LY6G6F: variants seen among roughly 807,000 people sequenced by gnomAD.
LY6G6F encodes the protein lymphocyte antigen 6 family member G6F, also known as lymphocyte antigen 6 complex locus protein G6f.
A neutral mutation model predicts 33.0 loss-of-function variants in LY6G6F; 26 were observed. The observed-to-expected ratio is 0.79, with a 90% confidence interval of 0.58 to 1.09. The LOEUF (loss-of-function observed/expected upper bound fraction) is 1.09, where lower values mean the gene tolerates loss of function less well. Ranked by LOEUF, LY6G6F falls within the 50% of genes least tolerant of loss-of-function variation. LY6G6F has a pLI of 0.00. For synonymous variants in LY6G6F, 132 were observed against 148.1 expected, an observed-to-expected ratio of 0.89 and a Z score of 0.79; for missense variants, 317 against 372.0, an observed-to-expected ratio of 0.85 and a Z score of 1.22.
intron 3 of LY6G6F, 52 bp downstream of exon 3, chr6:31,708,186 A>C (rs1275771788): frequency 1.3e-6 from 2 of 1,503,324 alleles, no homozygotes; most frequent in East Asian, 2.3e-5. Flanking sequence ...CAGCCTCCCA[A>C]GTAGCTGGAA....
At position 31,710,418 on chromosome 6, in the gene LY6G6F, G is replaced by T. The variant is rs1805955381; in HGVS notation, c.869G>T (p.Gly290Val). 1 of 1,614,048 alleles carries T rather than the reference G, an allele frequency of 6.2e-7. No homozygotes were observed. Among genetic ancestry groups the T allele is most frequent in the African/African-American group, 1.3e-5 (1 of 74,906 alleles). Reference sequence around the variant, plus strand: ...GAGAACATCCATTTGGCCCGTCTTGGGTGAGGAACAGCTAGGGAACAGAGG... The same window carrying T: ...GAGAACATCCATTTGGCCCGTCTTGTGTGAGGAACAGCTAGGGAACAGAGG... ...VYENIHLARLGPPAHKPR is the reference protein window; with the variant it reads ...VYENIHLARLVPPAHKPR The change falls in exon 5 of 6, where the codon GGC becomes GTC. Residue 290 changes from glycine to valine, a missense_variant and splice_region_variant. Transcript: ENST00000375832. This position sits in a 1 kb window ranked among gnomAD's most constrained non-coding sequence, Gnocchi z 4.7.
Position 31,710,414 on chromosome 6 carries a change from C to T in LY6G6F, c.865C>T (p.Leu289Phe). Residue 289 changes from leucine (L) to phenylalanine (F), a missense_variant, in exon 5 of 6, where the codon CTT (leucine) becomes TTT (phenylalanine). By Grantham distance (22) the Leu-to-Phe change is conservative. Transcript: ENST00000375832. This position sits in a 1 kb window ranked among gnomAD's most constrained non-coding sequence, Gnocchi z 4.7. ...QVYENIHLAR[L>F]GPPAHKPR ...CTATGAGAACATCCATTTGGCCCGT[C>T]TTGGGTGAGGAACAGCTAGGGAACA... 6.2e-7 allele frequency: 1 copy of T among 1,614,154 alleles called. No homozygotes were observed. Among genetic ancestry groups the T allele is most frequent in the African/African-American group, 1.3e-5 (1 of 75,016 alleles).
At chr6:31,708,704 A>C (rs1805799695) in intron 3 of LY6G6F, among the ~76,000 whole-genome samples, 1 of 152,084 alleles carries the variant, frequency 6.6e-6, no homozygotes, top group Non-Finnish European at 1.5e-5. Flanking sequence ...AAGCAGGCGG[A>C]TCACTTGAGG....
chr6:31,707,830 A>G lies in LY6G6F; in HGVS notation c.383-41A>G. 6.2e-7 allele frequency: 1 copy of G among 1,607,986 alleles called. No individual in the cohort carries two copies. The highest frequency in any genetic ancestry group is 8.5e-7 in the Non-Finnish European group (1 of 1,175,576). On this transcript the variant is annotated intron_variant, in intron 2 of 5. Transcript: ENST00000375832. The surrounding 1 kb of genome is among the most constrained non-coding windows in gnomAD (Gnocchi z 4.1). ...GACCAGGGGCTACTGTGGCCCAGGA[A>G]GTCCAGGTGAAGAACTGAGGAATCC...
Position 31,710,653 on chromosome 6 carries a change from G to A in LY6G6F, c.*62G>A. 3 of 1,607,724 alleles carry A rather than the reference G, an allele frequency of 1.9e-6. No individual in the cohort carries two copies. The South Asian group carries it at 3.3e-5, about 18-fold the overall frequency. Reference sequence around the variant, plus strand: ...CTCGCTGGCCATCTGGCACCTGGAAGATTCCTCGACAACCTTAGCAAGGGG... The same window carrying A: ...CTCGCTGGCCATCTGGCACCTGGAAAATTCCTCGACAACCTTAGCAAGGGG... On this transcript the variant is annotated 3_prime_UTR_variant, in exon 6 of 6. Coordinates refer to ENST00000375832, the MANE Select transcript of LY6G6F (RefSeq NM_001003693.3). This position sits in a 1 kb window ranked among gnomAD's most constrained non-coding sequence, Gnocchi z 4.7.
chr6:31,710,273 T>C lies in LY6G6F; in HGVS notation c.803-79T>C. 1.9e-6 allele frequency: 3 copies of C among 1,612,738 alleles called. No individual in the cohort carries two copies. The highest frequency in any genetic ancestry group is 2.2e-5 in the South Asian group (2 of 91,072). Reference sequence around the variant, plus strand: ...CCCCGCCTCTGTACCCCACCTCCTCTAGGGGAGGGGGCGAGGAACACGGCT... The same window carrying C: ...CCCCGCCTCTGTACCCCACCTCCTCCAGGGGAGGGGGCGAGGAACACGGCT... On this transcript the variant is annotated intron_variant, in intron 4 of 5. Transcript: ENST00000375832. The surrounding 1 kb of genome is among the most constrained non-coding windows in gnomAD (Gnocchi z 4.7).
At position 31,707,302 on chromosome 6, in the gene LY6G6F, C is replaced by T. The variant is rs1161914802; in HGVS notation, c.53-156C>T. Among the ~76,000 whole-genome samples the T allele has an allele frequency of 2.0e-5, 3 of 152,204 alleles. No individual in the cohort carries two copies. The highest frequency in any genetic ancestry group is 1.9e-4 in the East Asian group (1 of 5,198). The stretch of plus-strand genomic sequence containing the variant: ...GAAAGCCCTTACCCTCTTCTCTCCA[C>T]CTGTCTTATTTTTGTAGCTGTCACT... On this transcript the variant is annotated intron_variant, in intron 1 of 5. Coordinates refer to ENST00000375832, the MANE Select transcript of LY6G6F (RefSeq NM_001003693.3). This position sits in a 1 kb window ranked among gnomAD's most constrained non-coding sequence, Gnocchi z 4.1.
chr6:31,707,511 C>T lies in LY6G6F; in HGVS notation c.106C>T (p.Pro36Ser), dbSNP rs1417622359. 12 of 1,614,050 alleles carry T rather than the reference C, an allele frequency of 7.4e-6. No individual in the cohort carries two copies. Among genetic ancestry groups the T allele is most frequent in the African/African-American group, 2.7e-5 (2 of 74,912 alleles). The change falls in exon 2 of 6, where the codon CCC (proline) becomes TCC (serine). Residue 36 changes from proline to serine, a missense_variant. By Grantham distance (74) the Pro-to-Ser change is moderately conservative. Coordinates refer to ENST00000375832, the MANE Select transcript of LY6G6F (RefSeq NM_001003693.3). This position sits in a 1 kb window ranked among gnomAD's most constrained non-coding sequence, Gnocchi z 4.1. ...GGGGGAGGCAGTAGAGCTGCCATGT[C>T]CCTCACCACCTACTCTACATGGGGA... The part of the protein sequence containing the change: ...ALGEAVELPC[P>S]SPPTLHGDEH...
chr6:31,706,923 T>C lies in LY6G6F; in HGVS notation c.17T>C (p.Leu6Pro), dbSNP rs1343467231. 1.2e-6 allele frequency: 2 copies of C among 1,614,072 alleles called. No homozygotes were observed. Among genetic ancestry groups the C allele is most frequent in the Non-Finnish European group, 1.7e-6 (2 of 1,179,992 alleles). ...GCTCTCCCCATGGCAGTCTTATTCCTCCTCCTGTTCCTATGTGGAACTCCC... is the reference window on the plus strand; with the variant it reads ...GCTCTCCCCATGGCAGTCTTATTCCCCCTCCTGTTCCTATGTGGAACTCCC... MAVLF[L>P]LLFLCGTPQA... The change falls in exon 1 of 6, where the codon CTC (leucine) becomes CCC (proline). Residue 6 changes from leucine (L) to proline (P), a missense_variant. By Grantham distance (98) the Leu-to-Pro change is moderately conservative. Transcript: ENST00000375832.
intron 3 of LY6G6F, among the ~76,000 whole-genome samples, 185 bp from the exon 4 acceptor site, chr6:31,709,841 A>G (rs193033947): frequency 6.6e-6 from 1 of 152,204 alleles, no homozygotes; most frequent in African/African-American, 2.4e-5. Context: ...GCCATTCTCT[A>G]TGGGTCAGGG....
Position 31,710,543 on chromosome 6 carries a change from C to G in LY6G6F, c.870-24C>G, listed in dbSNP as rs1348118830. On this transcript the variant is annotated intron_variant, in intron 5 of 5. Transcript: ENST00000375832. The surrounding 1 kb of genome is among the most constrained non-coding windows in gnomAD (Gnocchi z 4.7). The stretch of plus-strand genomic sequence containing the variant: ...TGTGAAAAGTAGAGGTATCCTTAAT[C>G]TGTCTCTCTGGAAAACCCCACAGCC... The G allele has an allele frequency of 1.2e-6, 2 of 1,614,122 alleles. No individual in the cohort carries two copies. Among genetic ancestry groups the G allele is most frequent in the South Asian group, 2.2e-5 (2 of 91,078 alleles).
At position 31,710,242 on chromosome 6, in the gene LY6G6F, C is replaced by T; in HGVS notation, c.802+61C>T. On this transcript the variant is annotated intron_variant, in intron 4 of 5. Coordinates refer to ENST00000375832, the MANE Select transcript of LY6G6F (RefSeq NM_001003693.3). The surrounding 1 kb of genome is among the most constrained non-coding windows in gnomAD (Gnocchi z 4.7). ...CATGGGTGGGAGGCAAAGGGCTAGG[C>T]TCACACCCCGCCTCTGTACCCCACC... 1 of 1,609,988 alleles carries T rather than the reference C, an allele frequency of 6.2e-7. No homozygotes were observed. The highest frequency in any genetic ancestry group is 8.5e-7 in the Non-Finnish European group (1 of 1,177,912).
At chr6:31,709,258 G>GT (rs777933922) in intron 3 of LY6G6F, among the ~76,000 whole-genome samples, 2,377 of 133,676 alleles carry the variant, frequency 0.018, 29 homozygotes, top group Non-Finnish European at 0.026. Context: ...GTGTGTGTGT[G>GT]TTTTTTTTTG....
chr6:31,708,215 A>C, intron 3 of LY6G6F, 81 bp downstream of exon 3: 2 of 1,478,178 alleles, frequency 1.4e-6, no homozygotes, highest in Non-Finnish European at 1.8e-6. Context: ...GCCCGCCACC[A>C]TGCCTGGATA....
chr6:31,710,297 C>T lies in LY6G6F; in HGVS notation c.803-55C>T. 6.2e-7 allele frequency: 1 copy of T among 1,613,128 alleles called. No individual in the cohort carries two copies. The highest frequency in any genetic ancestry group is 8.5e-7 in the Non-Finnish European group (1 of 1,179,988). On this transcript the variant is annotated intron_variant, in intron 4 of 5. Transcript: ENST00000375832. The surrounding 1 kb of genome is among the most constrained non-coding windows in gnomAD (Gnocchi z 4.7). ...CTAGGGGAGGGGGCGAGGAACACGG[C>T]TCTAAGTTGTCTGCTGACTTCTCTT...
chr6:31,707,072 C>T lies in LY6G6F; in HGVS notation c.52+114C>T, dbSNP rs1805669143. Reference sequence around the variant, plus strand: ...TCTGACTCAAGAAGATAGAATTACCCCAACCAACCTCCTCCTGCCTCTGAC... The same window carrying T: ...TCTGACTCAAGAAGATAGAATTACCTCAACCAACCTCCTCCTGCCTCTGAC... On this transcript the variant is annotated intron_variant, in intron 1 of 5. Transcript: ENST00000375832. This position sits in a 1 kb window ranked among gnomAD's most constrained non-coding sequence, Gnocchi z 4.1. 5 of 1,144,510 alleles carry T rather than the reference C, an allele frequency of 4.4e-6. No individual in the cohort carries two copies. The highest frequency in any genetic ancestry group is 3.8e-5 in the South Asian group (3 of 78,002). 70.9% of individuals were successfully genotyped at this position (1,144,510 alleles called of 1,614,324 possible). A position where few individuals can be genotyped will look rare whatever the true frequency, so the allele number is the denominator to read the frequency against.
Position 31,707,363 on chromosome 6 carries a change from G to A in LY6G6F, c.53-95G>A. ...GGTCACCAGCCAGGCCTGTGCTGGG[G>A]GACCCCAGAAGGGAAGGAAGCCAGG... is the stretch of plus-strand genomic sequence containing the variant. On this transcript the variant is annotated intron_variant, in intron 1 of 5. Coordinates refer to ENST00000375832, the MANE Select transcript of LY6G6F (RefSeq NM_001003693.3). This position sits in a 1 kb window ranked among gnomAD's most constrained non-coding sequence, Gnocchi z 4.1. The A allele has an allele frequency of 8.8e-7, 1 of 1,134,530 alleles. No homozygotes were observed. Among genetic ancestry groups the A allele is most frequent in the Non-Finnish European group, 1.3e-6 (1 of 784,038 alleles). 70.3% of individuals were successfully genotyped at this position (1,134,530 alleles called of 1,614,324 possible).
chr6:31,709,975 A>G (rs1299596038), intron 3 of LY6G6F, 51 bp from the exon 4 acceptor site: 1 of 1,546,088 alleles, frequency 6.5e-7, no homozygotes, highest in Non-Finnish European at 8.8e-7. Context: ...GCACAGGGAC[A>G]GGGCCCCTCA....
chr6:31,709,913 G>A (rs1805899125), intron 3 of LY6G6F, 113 bp from the exon 4 acceptor site: 5 of 1,111,378 alleles, frequency 4.5e-6, no homozygotes, highest in South Asian at 3.2e-5. Context: ...AGCTTACAAA[G>A]TCTTCTGTTG....
Sources: allele counts gnomAD v4.1 joint callset (sites outside exome capture counted in the v4.1 genomes callset), GRCh38; gene constraint gnomAD v4.1.1; non-coding constraint Gnocchi (gnomAD v3.1); transcripts MANE v1.5; gene names NCBI Gene and HGNC (gene_info 2026-07-23, HGNC 2026-07-21).